The following HERC2 variants were observed in gnomAD, a reference collection of about 807,000 sequenced individuals.
HERC2 encodes HECT and RLD domain containing E3 ubiquitin protein ligase 2.
A neutral mutation model predicts 537.7 loss-of-function variants in HERC2; 102 were observed. That is an observed-to-expected ratio of 0.19 (90% confidence interval 0.16 to 0.22). HERC2 has a LOEUF of 0.22. Among genes scored for constraint, HERC2 ranks in the 10% least tolerant of loss-of-function variants. HERC2 has a pLI of 1.00. For missense variants in HERC2, 4,236 were observed against 6,198.2 expected (o/e 0.68, Z 10.63); for synonymous variants, 2,224 against 2,466.2 (o/e 0.90, Z 2.91).
At position 28,122,153 on chromosome 15, in the gene HERC2, T is replaced by A. The variant is rs933389393; in HGVS notation, c.13189-724A>T. On this transcript the variant is annotated intron_variant, in intron 85 of 92. Coordinates refer to ENST00000261609, the MANE Select transcript of HERC2 (RefSeq NM_004667.6). The surrounding 1 kb of genome is among the most constrained non-coding windows in gnomAD (Gnocchi z 4.1). ...CTGGCTGGGATCACACTAAAAGAAA[T>A]CGGGAGTGCCTGGGGTGAAGACAGC... is the stretch of plus-strand genomic sequence containing the variant. 1.1e-4 allele frequency among the ~76,000 whole-genome samples: 16 copies of A among 152,056 alleles called. No individual in the cohort carries two copies. The highest frequency in any genetic ancestry group is 1.9e-4 in the Non-Finnish European group (13 of 67,984).
chr15:28,147,615 C>T (rs1891895255), intron 70 of HERC2, among the ~76,000 whole-genome samples: 1 of 150,590 alleles, frequency 6.6e-6, no homozygotes, highest in African/African-American at 2.5e-5. Context: ...CCAACCTGGG[C>T]GACAAAGTGA....
chr15:28,314,558 T>A (rs1260500045), intron 2 of HERC2, among the ~76,000 whole-genome samples: 21 of 151,982 alleles, frequency 1.4e-4, no homozygotes, highest in African/African-American at 5.1e-4. Flanking sequence ...TGCAACATAA[T>A]CAAAAGAATC....
intron 2 of HERC2, among the ~76,000 whole-genome samples, chr15:28,300,823 C>CAAAAAAAA (rs57696757): frequency 1.5e-4 from 2 of 13,158 alleles, no homozygotes; most frequent in African/African-American, 4.1e-4. Context: ...GACTCCATCT[C>CAAAAAAAA]AAAAAAAAAA....
intron 2 of HERC2, among the ~76,000 whole-genome samples, chr15:28,301,746 T>C (rs1236049508): frequency 2.2e-5 from 2 of 89,594 alleles, no homozygotes; most frequent in African/African-American, 1.1e-4. Context: ...TATATATATA[T>C]ATATATATAT....
intron 5 of HERC2, among the ~76,000 whole-genome samples, chr15:28,277,515 A>G (rs1323988003): frequency 1.3e-5 from 2 of 152,238 alleles, no homozygotes; most frequent in African/African-American, 4.8e-5. Flanking sequence ...CTTCCACTTA[A>G]TGAAAGATAC....
At chr15:28,281,706 G>A (rs560523208) in intron 4 of HERC2, among the ~76,000 whole-genome samples, 44 of 152,292 alleles carry the variant, frequency 2.9e-4, no homozygotes, top group Non-Finnish European at 5.7e-4. Context: ...AAAACGACAT[G>A]AAGAATACTG....
rs867106310 is a variant in HERC2, at chr15:28,225,712, A to G, written c.5464+2506T>C. On this transcript the variant is annotated intron_variant, in intron 35 of 92. Transcript: ENST00000261609. ...ACTCCGTCTCAAAAAAAAAAAAAAAAAAAGAAAGAAAAAAAAGAAGATGCA... is the reference window on the plus strand; with the variant it reads ...ACTCCGTCTCAAAAAAAAAAAAAAAGAAAGAAAGAAAAAAAAGAAGATGCA... 1.0e-3 allele frequency among the ~76,000 whole-genome samples: 155 copies of G among 151,208 alleles called. 1 individual carries two copies. In the Middle Eastern group the frequency reaches 0.017, roughly 17 times the overall value.
Position 28,163,271 on chromosome 15 carries a change from T to C in HERC2, c.10569A>G (p.Gln3523=). 1 of 1,613,106 alleles carries C rather than the reference T, an allele frequency of 6.2e-7. No homozygotes were observed. Among genetic ancestry groups the C allele is most frequent in the Non-Finnish European group, 8.5e-7 (1 of 1,179,956 alleles). The change falls in exon 69 of 93, where the codon CAA becomes CAG. Residue 3523 remains glutamine, a synonymous_variant. Transcript: ENST00000261609. ...GAGGCTCCGGACCTGCTGCTTTATT[T>C]TGGCTTTCAACATCCTAAGTCAAAT... ...MTKTKEDVES[Q]NKAAGPEPQA...
chr15:28,238,649 T>C lies in HERC2; in HGVS notation c.3701A>G (p.Asp1234Gly), dbSNP rs575214532. The part of the protein sequence containing the change: ...FWTVIDGKVY[D>G]IKDFQTQSLT... ...CGACTGTGTCTGGAAGTCCTTTATA[T>C]CATACACCTTCCCGTCAATCACAGT... Residue 1234 changes from aspartate (D) to glycine (G), a missense_variant, in exon 24 of 93, where the codon GAT becomes GGT. Around this residue, in one of 27 missense-constraint regions of HERC2, gnomAD observed 754 missense variants for 1,085.0 expected, o/e 0.69. Transcript: ENST00000261609. 3 of 1,611,574 alleles carry C rather than the reference T, an allele frequency of 1.9e-6. No homozygotes were observed. In the African/African-American group the frequency reaches 4.0e-5, roughly 21 times the overall value.
chr15:28,246,645 G>A (rs1903735158), intron 22 of HERC2, 97 bp downstream of exon 22: 3 of 1,062,380 alleles, frequency 2.8e-6, no homozygotes, highest in Admixed American at 3.1e-5. Flanking sequence ...AGAAAATTTA[G>A]AGAGTAAATG....
At chr15:28,239,536 A>G (rs2140717803) in intron 23 of HERC2, among the ~76,000 whole-genome samples, 1 of 146,706 alleles carries the variant, frequency 6.8e-6, no homozygotes, top group African/African-American at 2.5e-5. Context: ...TTGGTAGGGG[A>G]TTTTATAGAG....
chr15:28,131,580 C>T (rs1178119563), intron 81 of HERC2, among the ~76,000 whole-genome samples: 1 of 152,218 alleles, frequency 6.6e-6, no homozygotes, highest in African/African-American at 2.4e-5. Flanking sequence ...CTGCAGCCAC[C>T]GGGCTTGAGT....
At chr15:28,188,573 G>C (rs973992864) in intron 55 of HERC2, among the ~76,000 whole-genome samples, 4 of 151,138 alleles carry the variant, frequency 2.6e-5, no homozygotes, top group African/African-American at 9.8e-5. Context: ...ACTTGTTAGA[G>C]GTGTGATAAT....
chr15:28,282,062 TA>T (rs144315891), intron 4 of HERC2, among the ~76,000 whole-genome samples: 403 of 152,100 alleles, frequency 2.6e-3, no homozygotes, highest in Non-Finnish European at 4.2e-3. Context: ...GGTGAGAAAA[TA>T]CACAAACCAT....
At chr15:28,304,751 G>T in intron 2 of HERC2, among the ~76,000 whole-genome samples, 1 of 124,684 alleles carries the variant, frequency 8.0e-6, no homozygotes, top group Non-Finnish European at 1.6e-5. Context: ...GGGTACATGT[G>T]CACATTGCGC....
chr15:28,173,960 GTT>G (rs1197723158), intron 65 of HERC2, among the ~76,000 whole-genome samples: 2 of 152,022 alleles, frequency 1.3e-5, no homozygotes, highest in Admixed American at 1.3e-4. Flanking sequence ...TAGTGTATGA[GTT>G]CATTATCTTT....
chr15:28,193,262 T>G (rs1381845556), intron 52 of HERC2, among the ~76,000 whole-genome samples: 1 of 152,146 alleles, frequency 6.6e-6, no homozygotes, highest in African/African-American at 2.4e-5. Context: ...ATGCTTACTG[T>G]GTTCAAAAAG....
At chr15:28,167,568 G>A (rs146124179) in intron 68 of HERC2, 119 bp downstream of exon 68, 3 of 1,221,640 alleles carry the variant, frequency 2.5e-6, no homozygotes, top group African/African-American at 3.1e-5. Flanking sequence ...GCTAACAAGT[G>A]GACAGCCGAG....
intron 71 of HERC2, among the ~76,000 whole-genome samples, chr15:28,145,531 T>C (rs768632552): frequency 3.9e-5 from 6 of 152,168 alleles, no homozygotes; most frequent in Non-Finnish European, 7.4e-5. Flanking sequence ...ACTGGGACCA[T>C]ACCATTTCAT....
Sources: gnomAD v4.1 joint callset for allele counts (sites outside exome capture counted in the v4.1 genomes callset) on GRCh38, gnomAD v4.1.1 for gene constraint, gnomAD v4.1.1 regional missense constraint, Gnocchi (gnomAD v3.1) non-coding constraint, MANE v1.5 for transcripts, NCBI Gene and HGNC (gene_info 2026-07-23, HGNC 2026-07-21) for gene names.